KIAA1217: variants seen among roughly 807,000 people sequenced by gnomAD.
KIAA1217 encodes sickle tail protein homolog.
In KIAA1217, 88 loss-of-function variants were observed where a neutral mutation model predicts 163.9. The ratio of observed to expected loss-of-function variants is 0.54; its 90% CI spans 0.45 to 0.64. The LOEUF (loss-of-function observed/expected upper bound fraction) is 0.64, where lower values mean the gene tolerates loss of function less well. KIAA1217 is among the 30% of genes least tolerant of loss of function. The probability of loss-of-function intolerance (pLI) is 0.00; values close to 1 mark genes in which losing one functional copy is unlikely to be tolerated. For synonymous variants in KIAA1217, 903 were observed against 923.1 expected, an observed-to-expected ratio of 0.98 and a Z score of 0.39; for missense variants, 2,372 against 2,475.0, an observed-to-expected ratio of 0.96 and a Z score of 0.88.
intron 1 of KIAA1217, among the ~76,000 whole-genome samples, chr10:24,213,079 T>C (rs1252503993): frequency 6.6e-6 from 1 of 152,206 alleles, no homozygotes; most frequent in Non-Finnish European, 1.5e-5. Context: ...TTTGGCAAAC[T>C]GGGGTATATG....
At chr10:24,414,684 G>A (rs1177463135) in intron 3 of KIAA1217, among the ~76,000 whole-genome samples, 1 of 152,208 alleles carries the variant, frequency 6.6e-6, no homozygotes, top group African/African-American at 2.4e-5. Flanking sequence ...TGGACCCATC[G>A]GAGGATGGGC....
chr10:24,470,323 G>GGT lies in KIAA1217; in HGVS notation c.847-2902_847-2901dup, dbSNP rs138439923. Among the ~76,000 whole-genome samples, 128 of 152,302 alleles carry GGT rather than the reference G, an allele frequency of 8.4e-4. 2 individuals carry two copies. In the East Asian group the frequency reaches 0.024, roughly 29 times the overall value. The stretch of plus-strand genomic sequence containing the variant: ...GCCTCCCTGGAATGAGCATCAGTCA[G>GGT]GTGTATTATCATGCAATGACCTTGG... On this transcript the variant is annotated intron_variant, in intron 5 of 20. Transcript: ENST00000376454.
At chr10:24,166,489 G>A (rs1462205015) in intron 2 of KIAA1217, among the ~76,000 whole-genome samples, 1 of 152,134 alleles carries the variant, frequency 6.6e-6, no homozygotes, top group Non-Finnish European at 1.5e-5. Context: ...TGTAATCCCA[G>A]CACTTTGGCA....
intron 2 of KIAA1217, among the ~76,000 whole-genome samples, chr10:24,198,862 T>TGATC (rs1296718848): frequency 6.6e-6 from 1 of 152,096 alleles, no homozygotes; most frequent in African/African-American, 2.4e-5. Flanking sequence ...ATGGATGAAT[T>TGATC]GATCATCTTT....
chr10:24,255,490 T>C, intron 2 of KIAA1217: 1 of 455,608 alleles, frequency 2.2e-6, no homozygotes, highest in South Asian at 1.6e-5. Flanking sequence ...ATGCCACATC[T>C]GGACATGAAG....
chr10:24,343,635 T>C (rs150352072), intron 2 of KIAA1217, among the ~76,000 whole-genome samples: 16 of 152,346 alleles, frequency 1.1e-4, no homozygotes, highest in African/African-American at 3.1e-4. Context: ...CCTCTGGAAT[T>C]GTATTTTTAG....
Position 24,430,906 on chromosome 10 carries a change from C to T in KIAA1217, c.554-2089C>T, listed in dbSNP as rs149245862. Among the ~76,000 whole-genome samples the T allele has an allele frequency of 2.7e-3, 409 of 152,304 alleles. 4 individuals carry two copies. The highest frequency in any genetic ancestry group is 9.1e-3 in the African/African-American group (380 of 41,562). On this transcript the variant is annotated intron_variant, in intron 3 of 20. Coordinates refer to ENST00000376454, the MANE Select transcript of KIAA1217 (RefSeq NM_019590.5). ...GCCAAGGACTGGTACTGGTTTGTGG[C>T]CTGAAGGCTGGGGACCTTTGTGCTA...
At chr10:23,830,942 C>A (rs1478974365) in intron 1 of KIAA1217, among the ~76,000 whole-genome samples, 1 of 150,326 alleles carries the variant, frequency 6.7e-6, no homozygotes, top group Admixed American at 6.6e-5. Flanking sequence ...TCTCCAAATG[C>A]CCACAGGTAT....
chr10:24,256,299 CTCAGT>C, intron 2 of KIAA1217, among the ~76,000 whole-genome samples: 1 of 152,300 alleles, frequency 6.6e-6, no homozygotes, highest in South Asian at 2.1e-4. Context: ...CAGCAGAGAT[CTCAGT>C]TCTTCCTAGT....
chr10:24,278,599 A>C (rs959609216), intron 2 of KIAA1217, among the ~76,000 whole-genome samples: 1 of 152,062 alleles, frequency 6.6e-6, no homozygotes, highest in African/African-American at 2.4e-5. Context: ...TTGGATACCA[A>C]CTCTGCTGTT....
intron 2 of KIAA1217, among the ~76,000 whole-genome samples, chr10:24,121,135 AG>A (rs1177011267): frequency 6.6e-6 from 1 of 152,182 alleles, no homozygotes; most frequent in Non-Finnish European, 1.5e-5. Flanking sequence ...CTAGCTTCCA[AG>A]GCTGTGGGTT....
intron 2 of KIAA1217, among the ~76,000 whole-genome samples, chr10:24,267,783 A>G (rs2076375858): frequency 1.3e-5 from 2 of 152,222 alleles, no homozygotes; most frequent in Admixed American, 6.5e-5. Flanking sequence ...TTTTCTTTTC[A>G]CCTAGGCATA....
chr10:24,115,446 G>A (rs2063014711), intron 2 of KIAA1217, among the ~76,000 whole-genome samples: 1 of 151,932 alleles, frequency 6.6e-6, no homozygotes. Flanking sequence ...GCTATTCTGG[G>A]AAAAAAAATG....
chr10:23,899,189 G>T (rs1262188344), intron 1 of KIAA1217, among the ~76,000 whole-genome samples: 1 of 152,070 alleles, frequency 6.6e-6, no homozygotes, highest in South Asian at 2.1e-4. Flanking sequence ...TTTTTCTAAA[G>T]CATAAACCTA....
At chr10:24,364,714 G>A (rs1029472944) in intron 2 of KIAA1217, among the ~76,000 whole-genome samples, 4 of 152,064 alleles carry the variant, frequency 2.6e-5, no homozygotes, top group African/African-American at 7.2e-5. Context: ...TCCACAGTTC[G>A]GAGGCTTTGA....
At chr10:23,849,052 G>T (rs12256627) in intron 1 of KIAA1217, among the ~76,000 whole-genome samples, 10 of 152,058 alleles carry the variant, frequency 6.6e-5, no homozygotes, top group African/African-American at 1.9e-4. Context: ...AGTGCTCAGA[G>T]AGTATGTTAG....
chr10:24,065,728 T>C (rs971117850), intron 2 of KIAA1217, among the ~76,000 whole-genome samples: 1 of 152,192 alleles, frequency 6.6e-6, no homozygotes, highest in Non-Finnish European at 1.5e-5. Flanking sequence ...ATCTGTCTCA[T>C]GTTGACAGTA....
At chr10:24,044,131 CAT>C (rs1848817108) in intron 2 of KIAA1217, among the ~76,000 whole-genome samples, 1 of 152,104 alleles carries the variant, frequency 6.6e-6, no homozygotes, top group Admixed American at 6.6e-5. Context: ...CATCATCACT[CAT>C]GTTTGTTTTT....
chr10:24,343,492 C>T (rs749111090), intron 2 of KIAA1217, among the ~76,000 whole-genome samples: 4 of 152,170 alleles, frequency 2.6e-5, no homozygotes, highest in Non-Finnish European at 5.9e-5. Context: ...TAGACCACTT[C>T]ATAAATTAAG....
Sources: allele counts gnomAD v4.1 joint callset (sites outside exome capture counted in the v4.1 genomes callset), GRCh38; gene constraint gnomAD v4.1.1; transcripts MANE v1.5; gene names NCBI Gene and HGNC (gene_info 2026-07-23, HGNC 2026-07-21).